The following PASD1 variants were observed in gnomAD, a reference collection of about 807,000 sequenced individuals.
PASD1 encodes the protein circadian clock protein PASD1.
In PASD1, 13 loss-of-function variants were observed where a neutral mutation model predicts 58.8. The observed-to-expected ratio is 0.22, with a 90% CI of 0.14 to 0.35. The LOEUF (loss-of-function observed/expected upper bound fraction) is 0.35. Among genes scored for constraint, PASD1 ranks in the 10% least tolerant of loss-of-function variants. The pLI, the probability that PASD1 is intolerant of heterozygous loss-of-function variation, is 1.00. For synonymous variants in PASD1, 236 were observed against 216.7 expected (o/e 1.09, Z -0.78); for missense variants, 734 against 568.3 (o/e 1.29, Z -2.96).
At chrX:151,659,880 A>T in intron 10 of PASD1, 44 bp downstream of exon 10, 1 of 1,160,719 alleles carries the variant, frequency 8.6e-7, no homozygotes, top group African/African-American at 1.8e-5. Flanking sequence ...TAGAAGAAAA[A>T]CAGTGACCCC....
chrX:151,653,322 AGCTGGATTACAG>A (rs1421161905), intron 9 of PASD1, among the ~76,000 whole-genome samples: 1 of 108,957 alleles, frequency 9.2e-6, no homozygotes, highest in Non-Finnish European at 1.9e-5. Context: ...CCTCCCAAGT[AGCTGGATTACAG>A]GCGCATGCCA....
chrX:151,617,008 A>G (rs776691115), intron 4 of PASD1, among the ~76,000 whole-genome samples: 5 of 111,645 alleles, frequency 4.5e-5, no homozygotes, highest in South Asian at 3.8e-4. Context: ...AGTAAATGTC[A>G]TGAAGTCCTC....
intron 15 of PASD1, among the ~76,000 whole-genome samples, chrX:151,674,739 G>A (rs1299335678): frequency 1.8e-5 from 2 of 112,119 alleles, no homozygotes; most frequent in African/African-American, 3.2e-5. Context: ...TTTGCTCCCC[G>A]CAGGCCCCCC....
Position 151,644,208 on chromosome X carries a change from A to G in PASD1, c.630-4407A>G, listed in dbSNP as rs774669160. Reference sequence around the variant, plus strand: ...TGGCTATATTGAAAGAGAAGGACCTATCAAATATTTAGAAGGCAGTGTAGT... The same window carrying G: ...TGGCTATATTGAAAGAGAAGGACCTGTCAAATATTTAGAAGGCAGTGTAGT... On this transcript the variant is annotated intron_variant, in intron 8 of 15. Transcript: ENST00000370357. 4.4e-5 allele frequency among the ~76,000 whole-genome samples: 5 copies of G among 112,652 alleles called. No individual in the cohort carries two copies. In the South Asian group the frequency reaches 1.8e-3, roughly 41 times the overall value.
chrX:151,604,590 A>G (rs1330918065), intron 2 of PASD1, 56 bp from the exon 3 acceptor site: 1 of 858,220 alleles, frequency 1.2e-6, no homozygotes, highest in African/African-American at 2.0e-5. Flanking sequence ...TCTAATACCC[A>G]TAGCTAATCA....
Position 151,653,891 on chromosome X carries a change from T to C in PASD1, c.717+5189T>C, listed in dbSNP as rs1302621060. ...CCCTCTTTCTTTCTTTCTTTCTTTCTTTCTTTCTTTCTTTCTTTCTTTCTT... is the reference window on the plus strand; with the variant it reads ...CCCTCTTTCTTTCTTTCTTTCTTTCCTTCTTTCTTTCTTTCTTTCTTTCTT... On this transcript the variant is annotated intron_variant, in intron 9 of 15. Coordinates refer to ENST00000370357, the MANE Select transcript of PASD1 (RefSeq NM_173493.3). Among the ~76,000 whole-genome samples, 442 of 49,395 alleles carry C rather than the reference T, an allele frequency of 8.9e-3. 33 individuals carry two copies. The highest frequency in any genetic ancestry group is 0.013 in the African/African-American group (147 of 11,695). The allele number at this position is 49,395 out of a possible 115,157, so 42.9% of individuals were successfully genotyped here. A position where few individuals can be genotyped will look rare whatever the true frequency, so the allele number is the denominator to read the frequency against.
chrX:151,598,292 T>C (rs749687588), intron 1 of PASD1, among the ~76,000 whole-genome samples: 55 of 111,780 alleles, frequency 4.9e-4, no homozygotes, highest in African/African-American at 1.7e-3. Flanking sequence ...TAATTGTATT[T>C]GGGCCAGAAA....
In PASD1 at chrX:151,674,003, T is replaced by G; in HGVS notation, c.1992T>G (p.Ile664Met). The G allele has an allele frequency of 8.3e-7, 1 of 1,210,971 alleles. No individual in the cohort carries two copies. The highest frequency in any genetic ancestry group is 1.1e-6 in the Non-Finnish European group (1 of 894,848). The change falls in exon 15 of 16, where the codon ATT becomes ATG. Residue 664 changes from isoleucine (I) to methionine (M), a missense_variant. Ile to Met is a conservative substitution (Grantham distance 10, BLOSUM62 1). Coordinates refer to ENST00000370357, the MANE Select transcript of PASD1 (RefSeq NM_173493.3). ...TAGATACCTCAAACTCTGAGGCAATTTCTTCTTCCAGCATTCCTCAGTTTC... is the reference window on the plus strand; with the variant it reads ...TAGATACCTCAAACTCTGAGGCAATGTCTTCTTCCAGCATTCCTCAGTTTC... ...PLIDTSNSEA[I>M]SSSSIPQFPI...
chrX:151,567,081 TAAATAAATAAATAAAATA>T (rs1569395755), intron 1 of PASD1, among the ~76,000 whole-genome samples: 1 of 103,932 alleles, frequency 9.6e-6, no homozygotes, highest in Admixed American at 1.0e-4. Flanking sequence ...AATAAATAAA[TAAATAAATAAATAAAATA>T]AAATAAAGTT....
Position 151,672,260 on chromosome X carries a change from G to A in PASD1, c.1515G>A (p.Glu505=). The change falls in exon 14 of 16, where the codon GAG becomes GAA. Residue 505 remains glutamate, a synonymous_variant. Coordinates refer to ENST00000370357, the MANE Select transcript of PASD1 (RefSeq NM_173493.3). Reference sequence around the variant, plus strand: ...GGGAGCAGCTGCAACAGCTGAGAGAGCAAAGGAAGGTGCAGAAGCAGAAGA... The same window carrying A: ...GGGAGCAGCTGCAACAGCTGAGAGAACAAAGGAAGGTGCAGAAGCAGAAGA... ...QLREQLQQLR[E]QRKVQKQKKM... is the part of the protein sequence containing the mutation. 1 of 1,167,615 alleles carries A rather than the reference G, an allele frequency of 8.6e-7. No homozygotes were observed. Among genetic ancestry groups the A allele is most frequent in the Non-Finnish European group, 1.1e-6 (1 of 873,174 alleles).
intron 1 of PASD1, among the ~76,000 whole-genome samples, chrX:151,593,215 G>A (rs187817454): frequency 9.3e-4 from 103 of 110,226 alleles, no homozygotes; most frequent in African/African-American, 3.0e-3. Context: ...CTTTTTTGTA[G>A]TTATTTAAGT....
chrX:151,622,882 T>C, intron 6 of PASD1, 55 bp from the exon 7 acceptor site: 1 of 1,148,618 alleles, frequency 8.7e-7, no homozygotes, highest in Non-Finnish European at 1.2e-6. Flanking sequence ...GGTATTTGTC[T>C]TCTTGTTTAA....
intron 11 of PASD1, among the ~76,000 whole-genome samples, chrX:151,667,696 T>C (rs1293208536): frequency 8.9e-6 from 1 of 111,830 alleles, no homozygotes; most frequent in Admixed American, 9.5e-5. Flanking sequence ...GTTGTAGATA[T>C]GTGGCATTAT....
intron 14 of PASD1, chrX:151,673,354 T>C: frequency 8.5e-6 from 1 of 117,637 alleles, no homozygotes; most frequent in Non-Finnish European, 1.8e-5. Context: ...ACGGGCCTCC[T>C]AAAGCTCTCT....
intron 4 of PASD1, among the ~76,000 whole-genome samples, chrX:151,615,392 A>G (rs1367673097): frequency 9.0e-6 from 1 of 111,508 alleles, no homozygotes; most frequent in Non-Finnish European, 1.9e-5. Context: ...GACTTGATTT[A>G]CCTGAGATCA....
chrX:151,568,598 A>G (rs1424518658), intron 1 of PASD1, among the ~76,000 whole-genome samples: 1 of 112,347 alleles, frequency 8.9e-6, no homozygotes, highest in Non-Finnish European at 1.9e-5. Context: ...GTATGTATGC[A>G]CACAATGTTC....
intron 8 of PASD1, among the ~76,000 whole-genome samples, chrX:151,635,144 A>G (rs1289920526): frequency 9.0e-6 from 1 of 111,276 alleles, no homozygotes; most frequent in Non-Finnish European, 1.9e-5. Context: ...ATCTCTTTTT[A>G]ATGTGCCCTG....
chrX:151,673,081 C>A, intron 14 of PASD1: 1 of 142,983 alleles, frequency 7.0e-6, no homozygotes, highest in Non-Finnish European at 1.4e-5. Context: ...TGGCAGTAGG[C>A]CAAGTGCAGG....
chrX:151,617,258 C>T (rs1471253584), intron 4 of PASD1, among the ~76,000 whole-genome samples: 2 of 111,235 alleles, frequency 1.8e-5, no homozygotes, highest in African/African-American at 6.5e-5. Context: ...TTTCAGGTCT[C>T]CTCCCTTTTT....
Sources: gnomAD v4.1 joint callset for allele counts (sites outside exome capture counted in the v4.1 genomes callset) on GRCh38, gnomAD v4.1.1 for gene constraint, MANE v1.5 for transcripts, NCBI Gene and HGNC (gene_info 2026-07-23, HGNC 2026-07-21) for gene names.